Variants in CREBRF observed in about 807,000 individuals in gnomAD.
The protein encoded by CREBRF is CREB3 regulatory factor.
CREBRF carries 5 observed loss-of-function variants against 66.1 expected under a neutral mutation model. The ratio of observed to expected loss-of-function variants is 0.08; its 90% CI spans 0.04 to 0.16. CREBRF has a LOEUF of 0.16. Ranked by LOEUF, CREBRF falls within the 10% of genes least tolerant of loss-of-function variation. CREBRF has a pLI of 1.00. For synonymous variants in CREBRF, 229 were observed against 264.4 expected, an observed-to-expected ratio of 0.87 and a Z score of 1.30; for missense variants, 531 against 744.9, an observed-to-expected ratio of 0.71 and a Z score of 3.34.
intron 3 of CREBRF, among the ~76,000 whole-genome samples, chr5:173,088,902 G>A (rs753242619): frequency 1.3e-5 from 2 of 151,942 alleles, no homozygotes; most frequent in African/African-American, 2.4e-5. Flanking sequence ...CAGACAGGCC[G>A]GGCGCAGTGG....
intron 7 of CREBRF, 64 bp from the exon 8 acceptor site, chr5:173,123,016 C>T: frequency 6.9e-7 from 1 of 1,445,604 alleles, no homozygotes; most frequent in Non-Finnish European, 9.3e-7. Flanking sequence ...TCTGTTATTA[C>T]ATAATTAAAA....
intron 1 of CREBRF, among the ~76,000 whole-genome samples, chr5:173,058,351 G>A (rs1178401590): frequency 1.3e-5 from 2 of 152,142 alleles, no homozygotes; most frequent in Non-Finnish European, 2.9e-5. Flanking sequence ...CTTTGGTTAA[G>A]TACTTAGGCG....
At chr5:173,063,901 T>C (rs963984840) in intron 1 of CREBRF, among the ~76,000 whole-genome samples, 19 of 151,158 alleles carry the variant, frequency 1.3e-4, no homozygotes, top group African/African-American at 4.1e-4. Flanking sequence ...TTTATATTTT[T>C]AGTAGAGACA....
At chr5:173,070,439 C>A (rs1377102914) in intron 1 of CREBRF, among the ~76,000 whole-genome samples, 1 of 152,080 alleles carries the variant, frequency 6.6e-6, no homozygotes, top group Non-Finnish European at 1.5e-5. Flanking sequence ...TCTTTAACAT[C>A]CTGCATAAAA....
At chr5:173,067,327 C>T (rs1337772772) in intron 1 of CREBRF, among the ~76,000 whole-genome samples, 2 of 152,126 alleles carry the variant, frequency 1.3e-5, no homozygotes, top group Non-Finnish European at 2.9e-5. Flanking sequence ...AGACTGAACA[C>T]CCAACATTCA....
chr5:173,108,726 C>A lies in CREBRF; in HGVS notation c.1325C>A (p.Thr442Lys), dbSNP rs535367225. Residue 442 changes from threonine to lysine, a missense_variant, in exon 5 of 9, where the codon ACA becomes AAA. Thr to Lys is a moderately conservative substitution (Grantham distance 78). Around this residue, in one of 5 missense-constraint regions of CREBRF, gnomAD observed 309 missense variants for 341.4 expected, o/e 0.90. Coordinates refer to ENST00000296953, the MANE Select transcript of CREBRF (RefSeq NM_153607.3). ...TTCTGGGAGTATAGTGAACAACTTACACCATCACAGCAAGAGAGGATGCTG... is the reference window on the plus strand; with the variant it reads ...TTCTGGGAGTATAGTGAACAACTTAAACCATCACAGCAAGAGAGGATGCTG... ...RYFWEYSEQLTPSQQERMLRP... is the reference protein window; with the variant it reads ...RYFWEYSEQLKPSQQERMLRP... 6 of 1,613,886 alleles carry A rather than the reference C, an allele frequency of 3.7e-6. No individual in the cohort carries two copies. The highest frequency in any genetic ancestry group is 5.1e-6 in the Non-Finnish European group (6 of 1,179,960).
At chr5:173,084,970 T>C (rs1007069704) in intron 2 of CREBRF, among the ~76,000 whole-genome samples, 5 of 151,662 alleles carry the variant, frequency 3.3e-5, no homozygotes, top group African/African-American at 1.2e-4. Context: ...GAGATGGAGT[T>C]TCGCTCTTGT....
intron 3 of CREBRF, among the ~76,000 whole-genome samples, chr5:173,089,661 TAAA>T (rs60450166): frequency 1.5e-5 from 2 of 136,234 alleles, no homozygotes; most frequent in Non-Finnish European, 3.2e-5. Flanking sequence ...GTCTCTACTT[TAAA>T]AAAAAAAAAA....
intron 4 of CREBRF, among the ~76,000 whole-genome samples, chr5:173,092,849 T>A (rs1312370687): frequency 1.3e-5 from 2 of 152,222 alleles, no homozygotes; most frequent in African/African-American, 4.8e-5. Flanking sequence ...TAAAAGGTAC[T>A]TGAATATGGA....
rs528270268 is a variant in CREBRF at position 173,064,839 on chromosome 5, C to T, written c.-192+8360C>T. Among the ~76,000 whole-genome samples the T allele has an allele frequency of 4.6e-5, 7 of 152,246 alleles. No homozygotes were observed. The South Asian group carries it at 1.5e-3, about 32-fold the overall frequency. On this transcript the variant is annotated intron_variant, in intron 1 of 8. Transcript: ENST00000296953. Reference sequence around the variant, plus strand: ...TTGGCCTCCCAAAGTGCTGGGATTACAGGTGTGAGCCACTGCGCCTGGCCC... The same window carrying T: ...TTGGCCTCCCAAAGTGCTGGGATTATAGGTGTGAGCCACTGCGCCTGGCCC...
chr5:173,067,719 C>T (rs910103026), intron 1 of CREBRF, among the ~76,000 whole-genome samples: 14 of 152,244 alleles, frequency 9.2e-5, no homozygotes, highest in African/African-American at 2.9e-4. Context: ...GTTAATTGGC[C>T]GGGTGCCGTG....
chr5:173,105,408 CA>C (rs1758726837), intron 4 of CREBRF, among the ~76,000 whole-genome samples: 1 of 152,096 alleles, frequency 6.6e-6, no homozygotes, highest in South Asian at 2.1e-4. Context: ...TGTTCACAGT[CA>C]AACTAGGGTA....
At chr5:173,072,591 AC>A (rs1757630261) in intron 1 of CREBRF, among the ~76,000 whole-genome samples, 1 of 125,042 alleles carries the variant, frequency 8.0e-6, no homozygotes, top group Non-Finnish European at 1.7e-5. Context: ...GCTGATTTTT[AC>A]TTTTTTTTTT....
rs541483476 is a variant in CREBRF at position 173,125,661 on chromosome 5, G to A, written c.1804+2459G>A. Among the ~76,000 whole-genome samples, 76 of 152,196 alleles carry A rather than the reference G, an allele frequency of 5.0e-4. 1 individual carries two copies. Among genetic ancestry groups the A allele is most frequent in the South Asian group, 2.1e-4 (1 of 4,820 alleles). ...AGGCAGATCACGAGGTCAGGAGATC[G>A]AGATCATCCTGGCTAACATGGTGAA... On this transcript the variant is annotated intron_variant, in intron 8 of 8. Coordinates refer to ENST00000296953, the MANE Select transcript of CREBRF (RefSeq NM_153607.3).
rs758218647 is a variant in CREBRF, at chr5:173,110,612, G to A, written c.1508G>A (p.Arg503Gln). 6.8e-6 allele frequency: 11 copies of A among 1,613,860 alleles called. No individual in the cohort carries two copies. Among genetic ancestry groups the A allele is most frequent in the South Asian group, 3.3e-5 (3 of 91,080 alleles). ...KKLLQIGNELRKLNKVISDLT... is the reference protein window; with the variant it reads ...KKLLQIGNELQKLNKVISDLT... ...CTCCTCCAGATAGGCAATGAACTTC[G>A]GAAACTGAATAAGGTGATTAGTGAC... The change falls in exon 6 of 9, where the codon CGG (arginine) becomes CAG (glutamine). Residue 503 changes from arginine to glutamine, a missense_variant. Transcript: ENST00000296953.
intron 8 of CREBRF, among the ~76,000 whole-genome samples, chr5:173,130,922 G>A (rs769498562): frequency 6.6e-6 from 1 of 152,146 alleles, no homozygotes; most frequent in Non-Finnish European, 1.5e-5. Context: ...GGCCAGGCTG[G>A]TCTCAAACTC....
Position 173,134,751 on chromosome 5 carries a change from A to G in CREBRF, c.*1006A>G, listed in dbSNP as rs1289456795. On this transcript the variant is annotated 3_prime_UTR_variant, in exon 9 of 9. Transcript: ENST00000296953. ...GTATGAATGTATGAAAAAAAAGGAGAAAAAAAAGAAAAAAAAAGGTCAGGG... is the reference window on the plus strand; with the variant it reads ...GTATGAATGTATGAAAAAAAAGGAGGAAAAAAAGAAAAAAAAAGGTCAGGG... 6.6e-6 allele frequency: 1 copy of G among 152,104 alleles called. No homozygotes were observed. Among genetic ancestry groups the G allele is most frequent in the Non-Finnish European group, 1.5e-5 (1 of 67,880 alleles). The allele number at this position is 152,104 out of a possible 1,614,324, so 9.4% of individuals were successfully genotyped here. A position where few individuals can be genotyped will look rare whatever the true frequency, so the allele number is the denominator to read the frequency against.
At chr5:173,078,629 G>A (rs1757842812) in intron 1 of CREBRF, among the ~76,000 whole-genome samples, 1 of 151,360 alleles carries the variant, frequency 6.6e-6, no homozygotes, top group Non-Finnish European at 1.5e-5. Context: ...TGCGATCTCG[G>A]CTCACTGCAA....
chr5:173,073,890 C>T (rs1376588092), intron 1 of CREBRF, among the ~76,000 whole-genome samples: 1 of 152,180 alleles, frequency 6.6e-6, no homozygotes, highest in Non-Finnish European at 1.5e-5. Context: ...TTGCTTGAAC[C>T]TGGGAGGCGG....
Sources: gnomAD v4.1 joint callset for allele counts (sites outside exome capture counted in the v4.1 genomes callset) on GRCh38, gnomAD v4.1.1 for gene constraint, gnomAD v4.1.1 regional missense constraint, MANE v1.5 for transcripts, NCBI Gene and HGNC (gene_info 2026-07-23, HGNC 2026-07-21) for gene names.